TENM4: variants seen among roughly 807,000 people sequenced by gnomAD.
TENM4 encodes teneurin transmembrane protein 4, also known as teneurin-4.
TENM4 carries 82 observed loss-of-function variants against 243.3 expected under a neutral mutation model. The observed-to-expected ratio is 0.34, with a 90% CI of 0.28 to 0.40. The LOEUF (loss-of-function observed/expected upper bound fraction) is 0.40, where lower values mean the gene tolerates loss of function less well. TENM4 is among the 10% of genes least tolerant of loss of function. The pLI, the probability that TENM4 is intolerant of heterozygous loss-of-function variation, is 1.00. For synonymous variants in TENM4, 1,412 were observed against 1,456.3 expected (o/e 0.97, Z 0.69); for missense variants, 3,138 against 3,673.3 (o/e 0.85, Z 3.77).
intron 12 of TENM4, among the ~76,000 whole-genome samples, chr11:78,829,173 C>A (rs959547319): frequency 5.9e-5 from 9 of 152,204 alleles, no homozygotes; most frequent in Admixed American, 4.6e-4. Context: ...GTGAGTGTGA[C>A]CCACGTGTGG....
At chr11:78,773,038 T>C (rs190939389) in intron 17 of TENM4, among the ~76,000 whole-genome samples, 6 of 152,366 alleles carry the variant, frequency 3.9e-5, no homozygotes, top group African/African-American at 1.4e-4. Context: ...CAGCCACCAT[T>C]AGTGATCTAA....
At chr11:79,368,482 T>A (rs2135504647) in intron 1 of TENM4, among the ~76,000 whole-genome samples, 1 of 152,296 alleles carries the variant, frequency 6.6e-6, no homozygotes, top group African/African-American at 2.4e-5. Context: ...ACTATTTATA[T>A]CAGTATGAGA....
Position 78,791,938 on chromosome 11 carries a change from C to T in TENM4, c.2180-4855G>A, listed in dbSNP as rs566496057. The stretch of plus-strand genomic sequence containing the variant: ...GGTCTGGGAGGAATCTTTTGAAGTA[C>T]TAGGAGTACACAAGCCATAGAGGAG... On this transcript the variant is annotated intron_variant, in intron 15 of 33. Coordinates refer to ENST00000278550, the MANE Select transcript of TENM4 (RefSeq NM_001098816.3). Among the ~76,000 whole-genome samples, 7 of 152,250 alleles carry T rather than the reference C, an allele frequency of 4.6e-5. No individual in the cohort carries two copies. The East Asian group carries it at 1.4e-3, about 29-fold the overall frequency.
At chr11:79,184,121 T>C in intron 3 of TENM4, among the ~76,000 whole-genome samples, 1 of 152,206 alleles carries the variant, frequency 6.6e-6, no homozygotes, top group Admixed American at 6.5e-5. Context: ...CATGGTCAGA[T>C]AACTGGATAA....
intron 6 of TENM4, among the ~76,000 whole-genome samples, chr11:78,964,492 C>A (rs1446178623): frequency 6.6e-6 from 1 of 152,182 alleles, no homozygotes; most frequent in African/African-American, 2.4e-5. Context: ...GGTACAACCT[C>A]TGGGTGGCTT....
chr11:79,126,783 G>A (rs1484464473), intron 4 of TENM4, among the ~76,000 whole-genome samples: 3 of 152,150 alleles, frequency 2.0e-5, no homozygotes, highest in Non-Finnish European at 2.9e-5. Context: ...TCTGCTTGAG[G>A]AAGGACCCTA....
chr11:79,014,176 C>T (rs767791406), intron 6 of TENM4, among the ~76,000 whole-genome samples: 4 of 152,248 alleles, frequency 2.6e-5, no homozygotes, highest in Middle Eastern at 3.4e-3. Context: ...ATGTCCTGTG[C>T]CATTTCGACT....
At chr11:78,837,119 C>G (rs1484144982) in intron 12 of TENM4, among the ~76,000 whole-genome samples, 4 of 152,126 alleles carry the variant, frequency 2.6e-5, no homozygotes, top group Non-Finnish European at 4.4e-5. Flanking sequence ...TGGCTGTGTC[C>G]CCATCCAAAT....
In TENM4 at chr11:78,770,005, C is replaced by T. The variant is rs556019415; in HGVS notation, c.2539+987G>A. 3.3e-5 allele frequency among the ~76,000 whole-genome samples: 5 copies of T among 152,332 alleles called. No homozygotes were observed. In the South Asian group the frequency reaches 1.0e-3, roughly 32 times the overall value. ...TGACCTATTGATTTCCTACCCTGTGCAACATATTAGAAAGTCCTTTGGTAT... is the reference window on the plus strand; with the variant it reads ...TGACCTATTGATTTCCTACCCTGTGTAACATATTAGAAAGTCCTTTGGTAT... On this transcript the variant is annotated intron_variant, in intron 18 of 33. Transcript: ENST00000278550.
At chr11:79,192,697 AT>A (rs1438159779) in intron 3 of TENM4, among the ~76,000 whole-genome samples, 11 of 151,974 alleles carry the variant, frequency 7.2e-5, no homozygotes, top group Non-Finnish European at 1.3e-4. Flanking sequence ...CTAGTGTCCT[AT>A]GACCCTGCCA....
intron 2 of TENM4, among the ~76,000 whole-genome samples, chr11:79,274,190 T>C (rs190970768): frequency 2.0e-5 from 3 of 152,286 alleles, no homozygotes; most frequent in African/African-American, 7.2e-5. Context: ...ACATCAAATG[T>C]AAACACCTAG....
chr11:79,242,054 G>A (rs1333610040), intron 2 of TENM4, among the ~76,000 whole-genome samples: 1 of 152,222 alleles, frequency 6.6e-6, no homozygotes, highest in Non-Finnish European at 1.5e-5. Context: ...ATTAAGATCA[G>A]TTAGAAGTCA....
chr11:79,015,315 C>A (rs1479176492), intron 6 of TENM4, among the ~76,000 whole-genome samples: 3 of 152,040 alleles, frequency 2.0e-5, no homozygotes, highest in African/African-American at 7.2e-5. Flanking sequence ...ATCTCAAACA[C>A]CTTTGCTGCA....
Position 78,805,281 on chromosome 11 carries a change from C to CACCCAACCCA in TENM4, c.2179+10_2179+11insTGGGTTGGGT. 3 of 1,488,492 alleles carry CACCCAACCCA rather than the reference C, an allele frequency of 2.0e-6. No individual in the cohort carries two copies. Among genetic ancestry groups the CACCCAACCCA allele is most frequent in the Non-Finnish European group, 2.7e-6 (3 of 1,097,814 alleles). The allele number at this position is 1,488,492 out of a possible 1,614,324, so 92.2% of individuals were successfully genotyped here. A position where few individuals can be genotyped will look rare whatever the true frequency, so the allele number is the denominator to read the frequency against. On this transcript the variant is annotated intron_variant, in intron 15 of 33. Transcript: ENST00000278550. ...TCCCTCTACCCATGCTTCTTCTCCC[C>CACCCAACCCA]CTGCATTTACCGATAGAACAGTCGT...
At chr11:79,137,558 G>A (rs936113126) in intron 4 of TENM4, among the ~76,000 whole-genome samples, 1 of 152,170 alleles carries the variant, frequency 6.6e-6, no homozygotes, top group Non-Finnish European at 1.5e-5. Context: ...GAAGAAGGTT[G>A]TCATTAATAC....
Position 78,657,160 on chromosome 11 carries a change from T to G in TENM4, c.*898A>C, listed in dbSNP as rs540685572. The G allele has an allele frequency of 1.0e-5, 4 of 398,728 alleles. No individual in the cohort carries two copies. In the South Asian group the frequency reaches 5.1e-4, roughly 51 times the overall value. The allele number at this position is 398,728 out of a possible 1,614,324, so 24.7% of individuals were successfully genotyped here. A position where few individuals can be genotyped will look rare whatever the true frequency, so the allele number is the denominator to read the frequency against. On this transcript the variant is annotated 3_prime_UTR_variant, in exon 34 of 34. Coordinates refer to ENST00000278550, the MANE Select transcript of TENM4 (RefSeq NM_001098816.3). ...AAGGCTTGCTGTGCAGTGCTCGTTC[T>G]CACATCTGGCTTTGGGAGAAAGGAG...
At chr11:78,726,265 C>A in intron 22 of TENM4, 43 bp from the exon 23 acceptor site, 1 of 1,602,850 alleles carries the variant, frequency 6.2e-7, no homozygotes, top group Non-Finnish European at 8.5e-7. Flanking sequence ...GTGAGCAAAG[C>A]CCACTCTTTG....
chr11:79,385,263 T>C (rs913764015), intron 1 of TENM4, among the ~76,000 whole-genome samples: 1 of 152,188 alleles, frequency 6.6e-6, no homozygotes, highest in Non-Finnish European at 1.5e-5. Flanking sequence ...AGCATCAGTA[T>C]TTTTTTCAAA....
chr11:79,428,817 T>A (rs1454205843), intron 1 of TENM4, among the ~76,000 whole-genome samples: 2 of 152,196 alleles, frequency 1.3e-5, no homozygotes, highest in Admixed American at 1.3e-4. Context: ...GTACATAAAT[T>A]ACTCAATATA....
Sources: gnomAD v4.1 joint callset for allele counts (sites outside exome capture counted in the v4.1 genomes callset) on GRCh38, gnomAD v4.1.1 for gene constraint, MANE v1.5 for transcripts, NCBI Gene and HGNC (gene_info 2026-07-23, HGNC 2026-07-21) for gene names.